Variants in GRM7 observed in about 807,000 individuals in gnomAD.
GRM7 encodes metabotropic glutamate receptor 7.
A neutral mutation model predicts 84.5 loss-of-function variants in GRM7; 35 were observed. The observed-to-expected ratio is 0.41, with a 90% confidence interval of 0.32 to 0.55. GRM7 has a LOEUF of 0.55. Among genes scored for constraint, GRM7 ranks in the 20% least tolerant of loss-of-function variants. The pLI is 0.19. For synonymous variants in GRM7, 487 were observed against 455.1 expected, an observed-to-expected ratio of 1.07 and a Z score of -0.89; for missense variants, 1,003 against 1,194.6, an observed-to-expected ratio of 0.84 and a Z score of 2.36.
At chr3:7,161,558 T>A (rs1347913180) in intron 2 of GRM7, among the ~76,000 whole-genome samples, 2 of 152,172 alleles carry the variant, frequency 1.3e-5, no homozygotes, top group Admixed American at 6.5e-5. Flanking sequence ...ACCTAATGCA[T>A]GCAAATGCTC....
chr3:7,488,126 T>A (rs1248904915), intron 7 of GRM7, among the ~76,000 whole-genome samples: 1 of 152,192 alleles, frequency 6.6e-6, no homozygotes, highest in Non-Finnish European at 1.5e-5. Context: ...TCTTTCCTTT[T>A]TGAAATGGGA....
At chr3:7,086,345 A>T (rs1559429791) in intron 1 of GRM7, among the ~76,000 whole-genome samples, 1 of 148,676 alleles carries the variant, frequency 6.7e-6, no homozygotes, top group South Asian at 2.2e-4. Flanking sequence ...AAAATAAAAA[A>T]GATCCTATAG....
chr3:6,932,943 C>T (rs542164072), intron 1 of GRM7, among the ~76,000 whole-genome samples: 1 of 151,536 alleles, frequency 6.6e-6, no homozygotes, highest in African/African-American at 2.4e-5. Context: ...CTAATAGAGT[C>T]GGAGTTTCAC....
intron 1 of GRM7, among the ~76,000 whole-genome samples, chr3:7,069,263 C>T (rs181000142): frequency 1.2e-3 from 177 of 151,948 alleles, no homozygotes; most frequent in Admixed American, 2.0e-3. Flanking sequence ...GTAAGTGGAA[C>T]GACAGGTCAC....
At chr3:7,472,407 C>CTGTT (rs766509012) in intron 7 of GRM7, among the ~76,000 whole-genome samples, 1 of 152,172 alleles carries the variant, frequency 6.6e-6, no homozygotes. Context: ...TTGAGCTAGT[C>CTGTT]TGTTTGATAA....
chr3:7,203,421 A>G (rs573341934), intron 2 of GRM7, among the ~76,000 whole-genome samples: 51 of 152,252 alleles, frequency 3.3e-4, no homozygotes, highest in South Asian at 2.3e-3. Context: ...AGTATTCCAT[A>G]TCGTGTACGT....
At chr3:6,911,127 G>C (rs1227737315) in intron 1 of GRM7, among the ~76,000 whole-genome samples, 2 of 152,108 alleles carry the variant, frequency 1.3e-5, no homozygotes, top group African/African-American at 4.8e-5. Context: ...ACAGGAAAGA[G>C]GGCAGATTTA....
At chr3:7,049,019 A>C (rs1005540093) in intron 1 of GRM7, among the ~76,000 whole-genome samples, 2 of 151,986 alleles carry the variant, frequency 1.3e-5, no homozygotes, top group African/African-American at 2.4e-5. Flanking sequence ...AGTGTTATTT[A>C]TCATCCAGAG....
intron 8 of GRM7, among the ~76,000 whole-genome samples, chr3:7,637,759 T>C (rs1698166364): frequency 6.6e-6 from 1 of 152,216 alleles, no homozygotes; most frequent in East Asian, 1.9e-4. Flanking sequence ...GTGAACTTGA[T>C]GCAAGAATGA....
chr3:7,062,732 A>G (rs1697472826), intron 1 of GRM7, among the ~76,000 whole-genome samples: 1 of 151,762 alleles, frequency 6.6e-6, no homozygotes. Flanking sequence ...TCATGCAAAA[A>G]TGGTGATAAC....
intron 7 of GRM7, among the ~76,000 whole-genome samples, chr3:7,527,041 T>A (rs560797619): frequency 8.5e-4 from 129 of 152,160 alleles, no homozygotes; most frequent in Non-Finnish European, 1.5e-3. Flanking sequence ...ATTTTAGAAT[T>A]CTTTTTTCTA....
rs144380165 is a variant in GRM7, at chr3:7,298,706, C to T, written c.759C>T (p.Ser253=). ...KEAGGLCIAQ[S]VRIPQERKDR... is the part of the protein sequence containing the mutation. ...CAGGTGGACTCTGCATTGCCCAGTC[C>T]GTGAGAATCCCCCAGGAACGCAAAG... is the stretch of plus-strand genomic sequence containing the variant. The change falls in exon 3 of 10, where the codon TCC becomes TCT. Residue 253 remains serine, a synonymous_variant. Coordinates refer to ENST00000357716, the MANE Select transcript of GRM7 (RefSeq NM_000844.4). The T allele has an allele frequency of 4.6e-4, 744 of 1,613,324 alleles. 10 individuals carry two copies. The East Asian group carries it at 0.013, about 28-fold the overall frequency.
intron 3 of GRM7, 116 bp from the exon 4 acceptor site, chr3:7,306,382 G>T: frequency 1.3e-6 from 1 of 781,712 alleles, no homozygotes; most frequent in Non-Finnish European, 2.1e-6. Context: ...CAAGTTTTTT[G>T]CAATTATTTA....
At chr3:6,985,058 T>C (rs1356526457) in intron 1 of GRM7, among the ~76,000 whole-genome samples, 2 of 152,186 alleles carry the variant, frequency 1.3e-5, no homozygotes, top group Non-Finnish European at 2.9e-5. Flanking sequence ...TTTATCACAT[T>C]TTCTTTCCTT....
At chr3:6,901,636 A>AATAT (rs1491324990) in intron 1 of GRM7, among the ~76,000 whole-genome samples, 1 of 140,454 alleles carries the variant, frequency 7.1e-6, no homozygotes, top group African/African-American at 2.9e-5. Context: ...AAAAAAAAAA[A>AATAT]ATATGTAGAA....
chr3:7,465,497 AG>A (rs1418173360), intron 7 of GRM7, among the ~76,000 whole-genome samples: 2 of 67,322 alleles, frequency 3.0e-5, no homozygotes, highest in Non-Finnish European at 1.1e-4. Context: ...CCAGAGCCAC[AG>A]CCCAGTTGCC....
chr3:7,276,796 T>TCCCTCCCTCCCTCCC lies in GRM7; in HGVS notation c.737-21888_737-21887insCCCTCCCTCCCTCCC, dbSNP rs1237423928. 4.3e-3 allele frequency among the ~76,000 whole-genome samples: 13 copies of TCCCTCCCTCCCTCCC among 3,014 alleles called. 3 individuals are homozygous for TCCCTCCCTCCCTCCC. The highest frequency in any genetic ancestry group is 8.2e-3 in the Non-Finnish European group (11 of 1,334). The allele number at this position is 3,014 out of a possible 152,430, so 2.0% of individuals were successfully genotyped here. ...CTTCCTTCCTTCCTTCCTTCCTTCCTTCCTTCCTTTTTGGTGGTGGCATGT... is the reference window on the plus strand; with the variant it reads ...CTTCCTTCCTTCCTTCCTTCCTTCCTCCCTCCCTCCCTCCCTCCTTCCTTTTTGGTGGTGGCATGT... On this transcript the variant is annotated intron_variant, in intron 2 of 9. Coordinates refer to ENST00000357716, the MANE Select transcript of GRM7 (RefSeq NM_000844.4).
intron 3 of GRM7, among the ~76,000 whole-genome samples, chr3:7,305,792 C>A (rs1345903927): frequency 6.6e-6 from 1 of 152,108 alleles, no homozygotes; most frequent in African/African-American, 2.4e-5. Flanking sequence ...ACAAACAAAC[C>A]ACTTATCCTG....
In GRM7 at chr3:7,442,494, C is replaced by T. The variant is rs1259473096; in HGVS notation, c.1175-10113C>T. On this transcript the variant is annotated intron_variant, in intron 5 of 9. Coordinates refer to ENST00000357716, the MANE Select transcript of GRM7 (RefSeq NM_000844.4). ...CTCTAACTAGAACTTGCGATTATGA[C>T]TTTTGTAAAAATAAACTTTGATAAA... is the stretch of plus-strand genomic sequence containing the variant. Among the ~76,000 whole-genome samples the T allele has an allele frequency of 3.9e-4, 34 of 87,376 alleles. No individual in the cohort carries two copies. In the Admixed American group the frequency reaches 4.8e-3, roughly 12 times the overall value. 57.3% of individuals were successfully genotyped at this position (87,376 alleles called of 152,430 possible). A position where few individuals can be genotyped will look rare whatever the true frequency, so the allele number is the denominator to read the frequency against.
Sources: gnomAD v4.1 joint callset for allele counts (sites outside exome capture counted in the v4.1 genomes callset) on GRCh38, gnomAD v4.1.1 for gene constraint, MANE v1.5 for transcripts, NCBI Gene and HGNC (gene_info 2026-07-23, HGNC 2026-07-21) for gene names.